Variants in ANO6 observed in about 807,000 individuals in gnomAD.
ANO6 encodes anoctamin 6.
In ANO6, 106 loss-of-function variants were observed where a neutral mutation model predicts 117.5. The observed-to-expected ratio is 0.90, with a 90% CI of 0.77 to 1.06. The LOEUF is 1.06. Among genes scored for constraint, ANO6 ranks in the 50% least tolerant of loss-of-function variants. The pLI, the probability that ANO6 is intolerant of heterozygous loss-of-function variation, is 0.00. For missense variants in ANO6, 955 were observed against 1,121.1 expected (o/e 0.85, Z 2.12); for synonymous variants, 367 against 385.1 (o/e 0.95, Z 0.55).
chr12:45,398,519 T>C (rs1206043698), intron 12 of ANO6, among the ~76,000 whole-genome samples: 2 of 152,212 alleles, frequency 1.3e-5, no homozygotes, highest in Non-Finnish European at 2.9e-5. Context: ...AATTTAGCTC[T>C]TAGGACTTTC....
At chr12:45,295,002 C>T (rs1458480027) in intron 1 of ANO6, among the ~76,000 whole-genome samples, 2 of 152,160 alleles carry the variant, frequency 1.3e-5, no homozygotes, top group East Asian at 3.8e-4. Context: ...CCACAGTAAC[C>T]TTCTGATGTA....
intron 2 of ANO6, among the ~76,000 whole-genome samples, chr12:45,317,670 A>G (rs1364522076): frequency 6.6e-6 from 1 of 152,008 alleles, no homozygotes; most frequent in Non-Finnish European, 1.5e-5. Context: ...TGGTATTTCT[A>G]GTTCTAGATC....
Position 45,430,761 on chromosome 12 carries a change from T to A in ANO6, c.*1450T>A. The A allele has an allele frequency of 1.0e-6, 1 of 985,430 alleles. No homozygotes were observed. The allele number at this position is 985,430 out of a possible 1,614,324, so 61.0% of individuals were successfully genotyped here. On this transcript the variant is annotated 3_prime_UTR_variant, in exon 20 of 20. Transcript: ENST00000320560. ...ACTTTTGCTCAGCCTAGCAGTCTAC[T>A]TCACTTTATTGCCTTGTAAGTGTCA...
At chr12:45,347,345 C>G (rs1941162539) in intron 4 of ANO6, 1 of 442,506 alleles carries the variant, frequency 2.3e-6, no homozygotes, top group East Asian at 3.3e-5. Context: ...CTTTAAGAAA[C>G]TTCTAAAAGC....
rs116087896 is a variant in ANO6, at chr12:45,400,964, G to A, written c.1387-831G>A. On this transcript the variant is annotated intron_variant, in intron 12 of 19. Transcript: ENST00000320560. ...GTATCAAGTAAGGAAAATTCATGGCGCCTTTAATGTGCGTCGTTGAGTGGT... is the reference window on the plus strand; with the variant it reads ...GTATCAAGTAAGGAAAATTCATGGCACCTTTAATGTGCGTCGTTGAGTGGT... Among the ~76,000 whole-genome samples the A allele has an allele frequency of 9.4e-3, 1,429 of 152,304 alleles. 27 individuals are homozygous for A. The highest frequency in any genetic ancestry group is 0.032 in the African/African-American group (1,345 of 41,546).
chr12:45,437,549 A>G (rs997894307), intron 19 of ANO6, among the ~76,000 whole-genome samples: 4 of 151,886 alleles, frequency 2.6e-5, no homozygotes, highest in Admixed American at 6.5e-5. Context: ...GATTCATACA[A>G]ACAAAGGTTT....
chr12:45,233,584 G>A (rs543576068), intron 1 of ANO6, among the ~76,000 whole-genome samples: 84 of 152,184 alleles, frequency 5.5e-4, no homozygotes, highest in African/African-American at 1.7e-3. Flanking sequence ...TTTTGCCTGT[G>A]CTCTTGTCTG....
intron 1 of ANO6, among the ~76,000 whole-genome samples, chr12:45,274,323 C>T (rs572209058): frequency 6.6e-6 from 1 of 152,266 alleles, no homozygotes; most frequent in South Asian, 2.1e-4. Context: ...CTTAACATTT[C>T]CAAAACCAAA....
intron 1 of ANO6, among the ~76,000 whole-genome samples, chr12:45,297,754 ATAAT>A (rs1565672120): frequency 6.6e-6 from 1 of 152,208 alleles, no homozygotes; most frequent in African/African-American, 2.4e-5. Flanking sequence ...ACTGTGTTAT[ATAAT>A]TAATTCTATT....
intron 15 of ANO6, 114 bp from the exon 16 acceptor site, chr12:45,409,243 A>G: frequency 7.1e-7 from 1 of 1,410,472 alleles, no homozygotes; most frequent in Non-Finnish European, 9.8e-7. Flanking sequence ...CATGCAAACA[A>G]AAAAATAGTT....
chr12:45,227,087 C>G (rs1024925423), intron 1 of ANO6, among the ~76,000 whole-genome samples: 9 of 146,270 alleles, frequency 6.2e-5, no homozygotes, highest in African/African-American at 2.3e-4. Flanking sequence ...CTCCTGGGTT[C>G]AAGCTATTCT....
downstream of ANO6, among the ~76,000 whole-genome samples, chr12:45,435,514 C>T (rs892002487): frequency 6.6e-6 from 1 of 152,158 alleles, no homozygotes; most frequent in African/African-American, 2.4e-5. Context: ...GAACCAGAGC[C>T]TGAGGCAAAT....
At chr12:45,322,781 T>C (rs1940324710) in intron 2 of ANO6, among the ~76,000 whole-genome samples, 1 of 152,180 alleles carries the variant, frequency 6.6e-6, no homozygotes, top group African/African-American at 2.4e-5. Context: ...ACCTATATTT[T>C]ATATTGCATA....
chr12:45,270,369 G>A, intron 1 of ANO6: 1 of 1,392,314 alleles, frequency 7.2e-7, no homozygotes, highest in Non-Finnish European at 9.3e-7. Context: ...TTGTTACAGA[G>A]GCAGGTCTGA....
intron 10 of ANO6, among the ~76,000 whole-genome samples, chr12:45,384,192 C>A (rs1251641230): frequency 1.3e-5 from 2 of 152,208 alleles, no homozygotes; most frequent in Non-Finnish European, 2.9e-5. Context: ...CCTCTCTCAG[C>A]CTTCATAGAG....
chr12:45,352,042 C>T (rs896873469), intron 7 of ANO6, among the ~76,000 whole-genome samples: 7 of 151,792 alleles, frequency 4.6e-5, no homozygotes, highest in African/African-American at 1.5e-4. Context: ...TGGAGAGTGA[C>T]GAGGAGAGGA....
intron 10 of ANO6, among the ~76,000 whole-genome samples, chr12:45,381,756 G>T (rs374853972): frequency 5.3e-5 from 8 of 152,202 alleles, no homozygotes; most frequent in Non-Finnish European, 1.0e-4. Context: ...TCAGAATTTC[G>T]TAAACAGAAG....
At chr12:45,319,407 C>G (rs1298370332) in intron 2 of ANO6, among the ~76,000 whole-genome samples, 3 of 152,086 alleles carry the variant, frequency 2.0e-5, no homozygotes, top group African/African-American at 7.2e-5. Flanking sequence ...TGTTTATATG[C>G]TGGATTACGT....
chr12:45,264,433 A>G (rs1467858349), intron 1 of ANO6, among the ~76,000 whole-genome samples: 4 of 152,204 alleles, frequency 2.6e-5, no homozygotes, highest in Non-Finnish European at 5.9e-5. Flanking sequence ...TGACTCTGGT[A>G]AAAGTAATCA....
Sources: allele counts gnomAD v4.1 joint callset (sites outside exome capture counted in the v4.1 genomes callset), GRCh38; gene constraint gnomAD v4.1.1; transcripts MANE v1.5; gene names NCBI Gene and HGNC (gene_info 2026-07-23, HGNC 2026-07-21).